Variants in DR1 observed in about 807,000 individuals in gnomAD.
The protein encoded by DR1 is protein Dr1.
Under a neutral mutation model 19.9 loss-of-function variants are expected in DR1, and 7 were observed. The observed-to-expected ratio is 0.35, with a 90% CI of 0.20 to 0.66. DR1 has a LOEUF of 0.66. DR1 is among the 30% of genes least tolerant of loss of function. The pLI is 0.66. For missense variants in DR1, 98 were observed against 203.7 expected (o/e 0.48, Z 3.16); for synonymous variants, 76 against 72.5 (o/e 1.05, Z -0.24).
At chr1:93,358,710 C>T (rs1455786592) in intron 2 of DR1, among the ~76,000 whole-genome samples, 2 of 152,182 alleles carry the variant, frequency 1.3e-5, no homozygotes, top group Non-Finnish European at 2.9e-5. Context: ...TGGCTGCTTC[C>T]TGTAGCTGCT....
chr1:93,349,429 T>C (rs989328574), intron 1 of DR1, among the ~76,000 whole-genome samples: 1 of 152,122 alleles, frequency 6.6e-6, no homozygotes, highest in Non-Finnish European at 1.5e-5. Context: ...CATGTTCTGT[T>C]GCCTTATAGA....
intron 2 of DR1, among the ~76,000 whole-genome samples, chr1:93,357,914 A>G (rs964315358): frequency 1.3e-5 from 2 of 152,222 alleles, no homozygotes; most frequent in African/African-American, 2.4e-5. Context: ...AATGAAGAAT[A>G]TATCATTATG....
Position 93,369,309 on chromosome 1 carries a change from A to G in DR1, c.*8670A>G, listed in dbSNP as rs898712322. On this transcript the variant is annotated 3_prime_UTR_variant, in exon 3 of 3. Coordinates refer to ENST00000370272, the MANE Select transcript of DR1 (RefSeq NM_001938.3). The stretch of plus-strand genomic sequence containing the variant: ...TATTTGAAGATCTTTTAAAAAAATT[A>G]TAAGCCTGCCTGAGGATAGCAAAAT... 13 of 152,320 alleles carry G rather than the reference A, an allele frequency of 8.5e-5. No homozygotes were observed. Among genetic ancestry groups the G allele is most frequent in the African/African-American group, 3.1e-4 (13 of 41,568 alleles). The allele number at this position is 152,320 out of a possible 1,614,324, so 9.4% of individuals were successfully genotyped here. A position where few individuals can be genotyped will look rare whatever the true frequency, so the allele number is the denominator to read the frequency against.
chr1:93,355,749 A>G (rs1290542314), intron 2 of DR1: 1 of 152,086 alleles, frequency 6.6e-6, no homozygotes, highest in East Asian at 1.9e-4. Flanking sequence ...GTATTTCTTT[A>G]CTATTGTGAG....
At chr1:93,351,233 T>C (rs1427694703) in intron 1 of DR1, among the ~76,000 whole-genome samples, 2 of 152,186 alleles carry the variant, frequency 1.3e-5, no homozygotes, top group East Asian at 3.8e-4. Context: ...AAATTAAATT[T>C]ATGGCTGCTC....
At chr1:93,356,723 A>AT (rs34485070) in intron 2 of DR1, among the ~76,000 whole-genome samples, 12,140 of 139,330 alleles carry the variant, frequency 0.087, 1,728 homozygotes, top group African/African-American at 0.3. Flanking sequence ...AACTCTTACA[A>AT]TTTTTTTTTT....
chr1:93,363,795 T>C lies in DR1; in HGVS notation c.*3156T>C, dbSNP rs919759812. 2 of 152,242 alleles carry C rather than the reference T, an allele frequency of 1.3e-5. No individual in the cohort carries two copies. The highest frequency in any genetic ancestry group is 1.3e-4 in the Admixed American group (2 of 15,294). 9.4% of individuals were successfully genotyped at this position (152,242 alleles called of 1,614,324 possible). A position where few individuals can be genotyped will look rare whatever the true frequency, so the allele number is the denominator to read the frequency against. ...TTCAACCTGCCAAAGTGAGATCCAT[T>C]CTTATTGTTGCATGTATTTGTAGTT... On this transcript the variant is annotated 3_prime_UTR_variant, in exon 3 of 3. Transcript: ENST00000370272.
In DR1 at chr1:93,365,087, GAC is replaced by G. The variant is rs1667108795; in HGVS notation, c.*4449_*4450del. ...TTAGCCAGGATGGTCTCGATCTCCT[GAC>G]CTCGTGATCCACCCGCCTTGGCCTC... On this transcript the variant is annotated 3_prime_UTR_variant, in exon 3 of 3. Coordinates refer to ENST00000370272, the MANE Select transcript of DR1 (RefSeq NM_001938.3). 6.6e-6 allele frequency: 1 copy of G among 151,868 alleles called. No homozygotes were observed. The highest frequency in any genetic ancestry group is 6.6e-5 in the Admixed American group (1 of 15,248). The allele number at this position is 151,868 out of a possible 1,614,324, so 9.4% of individuals were successfully genotyped here. A position where few individuals can be genotyped will look rare whatever the true frequency, so the allele number is the denominator to read the frequency against.
intron 2 of DR1, among the ~76,000 whole-genome samples, chr1:93,357,357 C>A (rs1667001214): frequency 6.6e-6 from 1 of 151,956 alleles, no homozygotes; most frequent in Non-Finnish European, 1.5e-5. Context: ...ATCTGTGTTA[C>A]CCACCAAGCA....
At position 93,353,221 on chromosome 1, in the gene DR1, T is replaced by C. The variant is rs565612189; in HGVS notation, c.221-687T>C. Among the ~76,000 whole-genome samples the C allele has an allele frequency of 2.0e-5, 3 of 152,298 alleles. No homozygotes were observed. In the East Asian group the frequency reaches 5.8e-4, roughly 29 times the overall value. On this transcript the variant is annotated intron_variant, in intron 1 of 2. Coordinates refer to ENST00000370272, the MANE Select transcript of DR1 (RefSeq NM_001938.3). ...ATTTTTTTTTCCTTATAAAATTTCC[T>C]TTCTAAATACGAAAAGGGGAGAAAC...
intron 2 of DR1, among the ~76,000 whole-genome samples, chr1:93,356,724 T>A (rs928792901): frequency 1.3e-4 from 3 of 22,852 alleles, no homozygotes; most frequent in Non-Finnish European, 3.4e-4. Flanking sequence ...ACTCTTACAA[T>A]TTTTTTTTTT....
At chr1:93,347,584 A>G (rs1211899421) in intron 1 of DR1, among the ~76,000 whole-genome samples, 1 of 151,096 alleles carries the variant, frequency 6.6e-6, no homozygotes, top group Non-Finnish European at 1.5e-5. Flanking sequence ...AAGTTTATGC[A>G]AGTTTTTTTT....
rs375495159 is a variant in DR1 at position 93,366,746 on chromosome 1, G to A, written c.*6107G>A. ...TGGCTGGACATGGTGGCTTACGCCT[G>A]TAATCTCAACACTGGGAAGTCGAGG... On this transcript the variant is annotated 3_prime_UTR_variant, in exon 3 of 3. Coordinates refer to ENST00000370272, the MANE Select transcript of DR1 (RefSeq NM_001938.3). 2 of 152,222 alleles carry A rather than the reference G, an allele frequency of 1.3e-5. No individual in the cohort carries two copies. Among genetic ancestry groups the A allele is most frequent in the East Asian group, 1.9e-4 (1 of 5,204 alleles). 9.4% of individuals were successfully genotyped at this position (152,222 alleles called of 1,614,324 possible).
intron 1 of DR1, among the ~76,000 whole-genome samples, chr1:93,348,573 A>G (rs1010063799): frequency 3.3e-5 from 5 of 152,082 alleles, no homozygotes; most frequent in African/African-American, 9.7e-5. Context: ...TCTGATTGAC[A>G]TGATGGAATA....
rs565682709 is a variant in DR1 at position 93,368,303 on chromosome 1, T to C, written c.*7664T>C. ...CATACTGTTTCCTTTTAACTTTATG[T>C]TTCTTGCCTTTGTATATTTTATATG... On this transcript the variant is annotated 3_prime_UTR_variant, in exon 3 of 3. Transcript: ENST00000370272. The C allele has an allele frequency of 2.0e-5, 3 of 152,336 alleles. No individual in the cohort carries two copies. The East Asian group carries it at 5.8e-4, about 29-fold the overall frequency. 9.4% of individuals were successfully genotyped at this position (152,336 alleles called of 1,614,324 possible). A position where few individuals can be genotyped will look rare whatever the true frequency, so the allele number is the denominator to read the frequency against.
rs1181612044 is a variant in DR1, at chr1:93,367,391, T to C, written c.*6752T>C. 6.6e-6 allele frequency: 1 copy of C among 152,146 alleles called. No homozygotes were observed. Among genetic ancestry groups the C allele is most frequent in the Non-Finnish European group, 1.5e-5 (1 of 68,032 alleles). 9.4% of individuals were successfully genotyped at this position (152,146 alleles called of 1,614,324 possible). ...TATGATTATTATATACTTTACAAAT[T>C]TTCGTTTTACAGTAATTTGTATTCA... On this transcript the variant is annotated 3_prime_UTR_variant, in exon 3 of 3. Transcript: ENST00000370272.
intron 2 of DR1, among the ~76,000 whole-genome samples, chr1:93,359,295 A>G (rs932071512): frequency 6.6e-6 from 1 of 152,206 alleles, no homozygotes; most frequent in Non-Finnish European, 1.5e-5. Context: ...GTTTTCCTGT[A>G]GCATGTTCAT....
chr1:93,359,849 G>A (rs1667032417), intron 2 of DR1, among the ~76,000 whole-genome samples: 1 of 152,042 alleles, frequency 6.6e-6, no homozygotes, highest in African/African-American at 2.4e-5. Context: ...GTGTGTATAC[G>A]GGAAGGATAT....
rs1449880437 is a variant in DR1, at chr1:93,363,372, AAAC to A, written c.*2738_*2740del. On this transcript the variant is annotated 3_prime_UTR_variant, in exon 3 of 3. Transcript: ENST00000370272. ...AAACTACCACAAACTTAGTGACTTA[AAAC>A]AACACAGATTTATTCTTTTATAGTC... is the stretch of plus-strand genomic sequence containing the variant. 17 of 152,392 alleles carry A rather than the reference AAAC, an allele frequency of 1.1e-4. No individual in the cohort carries two copies. Among genetic ancestry groups the A allele is most frequent in the Non-Finnish European group, 2.5e-4 (17 of 68,082 alleles). 9.4% of individuals were successfully genotyped at this position (152,392 alleles called of 1,614,324 possible).
Sources: gnomAD v4.1 joint callset for allele counts (sites outside exome capture counted in the v4.1 genomes callset) on GRCh38, gnomAD v4.1.1 for gene constraint, MANE v1.5 for transcripts, NCBI Gene and HGNC (gene_info 2026-07-23, HGNC 2026-07-21) for gene names.